Variants in ITGB5 observed in about 807,000 individuals in gnomAD.
ITGB5 encodes integrin beta-5.
A neutral mutation model predicts 84.8 loss-of-function variants in ITGB5; 38 were observed. That is an observed-to-expected ratio of 0.45 (90% CI 0.35 to 0.59). ITGB5 has a LOEUF of 0.59. Ranked by LOEUF, ITGB5 falls within the 20% of genes least tolerant of loss-of-function variation. The probability of loss-of-function intolerance (pLI) is 0.01; values close to 1 mark genes in which losing one functional copy is unlikely to be tolerated. For synonymous variants in ITGB5, 393 were observed against 414.4 expected (o/e 0.95, Z 0.63); for missense variants, 905 against 1,034.5 (o/e 0.87, Z 1.72).
intron 2 of ITGB5, among the ~76,000 whole-genome samples, chr3:124,859,827 A>T (rs2065272120): frequency 6.6e-6 from 1 of 152,218 alleles, no homozygotes; most frequent in East Asian, 1.9e-4. Context: ...TCATGCCTGT[A>T]ATCCCAGCTA....
chr3:124,855,375 AG>A (rs1468365686), intron 3 of ITGB5, among the ~76,000 whole-genome samples: 3 of 152,134 alleles, frequency 2.0e-5, no homozygotes, highest in Non-Finnish European at 4.4e-5. Flanking sequence ...CCCTAGAGTC[AG>A]GGGGGAGATA....
chr3:124,887,625 C>A, upstream of ITGB5: 1 of 430,334 alleles, frequency 2.3e-6, no homozygotes, highest in Non-Finnish European at 4.8e-6. Context: ...CTCGAAACCA[C>A]TGAGTAGAGC....
rs575874799 is a variant in ITGB5, at chr3:124,865,802, G to A, written c.157-6356C>T. ...CATGCCTGGCCTTTTGCTGCTTTTA[G>A]TTACTAAGTGGTAATAATATAAAAG... On this transcript the variant is annotated intron_variant, in intron 2 of 14. Coordinates refer to ENST00000296181, the MANE Select transcript of ITGB5 (RefSeq NM_002213.5). Among the ~76,000 whole-genome samples, 4 of 151,464 alleles carry A rather than the reference G, an allele frequency of 2.6e-5. No individual in the cohort carries two copies. The East Asian group carries it at 5.9e-4, about 22-fold the overall frequency.
In ITGB5 at chr3:124,836,424, C is replaced by T. The variant is rs145298628; in HGVS notation, c.780+4959G>A. On this transcript the variant is annotated intron_variant, in intron 5 of 14. Coordinates refer to ENST00000296181, the MANE Select transcript of ITGB5 (RefSeq NM_002213.5). The stretch of plus-strand genomic sequence containing the variant: ...TAACACCACAGCACTCCAGCCTGGG[C>T]GATAGAATGAGATCTCCTTTCAAAA... 5.4e-5 allele frequency among the ~76,000 whole-genome samples: 8 copies of T among 149,354 alleles called. No homozygotes were observed. In the East Asian group the frequency reaches 9.8e-4, roughly 18 times the overall value.
intron 8 of ITGB5, among the ~76,000 whole-genome samples, chr3:124,814,873 A>G (rs1216056263): frequency 6.6e-6 from 1 of 152,176 alleles, no homozygotes; most frequent in East Asian, 1.9e-4. Context: ...CTAGGTTCCC[A>G]CAGTTCCTCT....
chr3:124,849,484 T>G (rs1291348419), intron 3 of ITGB5, among the ~76,000 whole-genome samples: 5 of 152,182 alleles, frequency 3.3e-5, no homozygotes, highest in African/African-American at 4.8e-5. Flanking sequence ...AGACTAGTAT[T>G]TATTTGGGGG....
chr3:124,880,783 G>A (rs577554256), intron 1 of ITGB5, among the ~76,000 whole-genome samples: 1 of 151,710 alleles, frequency 6.6e-6, no homozygotes, highest in East Asian at 2.0e-4. Flanking sequence ...CAAAAAATTA[G>A]CCAGGCATGG....
chr3:124,877,217 G>A (rs561366244), intron 1 of ITGB5, among the ~76,000 whole-genome samples: 1 of 149,962 alleles, frequency 6.7e-6, no homozygotes, highest in South Asian at 2.1e-4. Flanking sequence ...GGGCTCAAGT[G>A]ATCCTCCTGC....
At chr3:124,819,883 A>C in intron 6 of ITGB5, 49 bp from the exon 7 acceptor site, 2 of 1,331,930 alleles carry the variant, frequency 1.5e-6, no homozygotes, top group Non-Finnish European at 2.2e-6. Flanking sequence ...ACAGGTGTAG[A>C]TACCAGCACC....
At chr3:124,823,785 A>T (rs1285899605) in intron 5 of ITGB5, among the ~76,000 whole-genome samples, 1 of 152,106 alleles carries the variant, frequency 6.6e-6, no homozygotes, top group Non-Finnish European at 1.5e-5. Context: ...AATAAAATAC[A>T]ATAGAGAGAA....
At chr3:124,836,402 C>T (rs1383024704) in intron 5 of ITGB5, among the ~76,000 whole-genome samples, 3 of 151,222 alleles carry the variant, frequency 2.0e-5, no homozygotes, top group Non-Finnish European at 4.4e-5. Context: ...GCCATGATAA[C>T]ACCACAGCAC....
chr3:124,778,011 C>T (rs1317623203), intron 10 of ITGB5, among the ~76,000 whole-genome samples: 1 of 152,216 alleles, frequency 6.6e-6, no homozygotes, highest in Non-Finnish European at 1.5e-5. Context: ...TATCAATCAC[C>T]ATCATGGGGA....
At chr3:124,790,665 C>G (rs2064137305) in intron 10 of ITGB5, among the ~76,000 whole-genome samples, 1 of 152,124 alleles carries the variant, frequency 6.6e-6, no homozygotes, top group South Asian at 2.1e-4. Flanking sequence ...GGATGCTGGC[C>G]CTGGCCTGCT....
At chr3:124,839,827 G>A (rs2064987940) in intron 5 of ITGB5, among the ~76,000 whole-genome samples, 1 of 152,188 alleles carries the variant, frequency 6.6e-6, no homozygotes, top group African/African-American at 2.4e-5. Context: ...AGAGACACCA[G>A]GGACTTCTGA....
rs376480401 is a variant in ITGB5, at chr3:124,859,470, G to C, written c.157-24C>G. ...TCCTAGGCAGGGAAAAAGAGGAAGA[G>C]AGCAGGAGGTGGTCAGGGTGTCTCC... On this transcript the variant is annotated intron_variant, in intron 2 of 14. Transcript: ENST00000296181. The C allele has an allele frequency of 5.5e-5, 88 of 1,600,634 alleles. No homozygotes were observed. In the Middle Eastern group the frequency reaches 8.3e-4, roughly 15 times the overall value.
intron 8 of ITGB5, among the ~76,000 whole-genome samples, chr3:124,809,850 A>G (rs891076751): frequency 1.3e-5 from 2 of 152,206 alleles, no homozygotes; most frequent in Non-Finnish European, 2.9e-5. Flanking sequence ...TCCCAACACT[A>G]AGAACATCAA....
intron 8 of ITGB5, among the ~76,000 whole-genome samples, chr3:124,810,129 T>C (rs1427866503): frequency 6.6e-6 from 1 of 152,196 alleles, no homozygotes; most frequent in Non-Finnish European, 1.5e-5. Context: ...TTTTTTAAAA[T>C]TGTAGTATGT....
intron 3 of ITGB5, among the ~76,000 whole-genome samples, chr3:124,852,684 A>G (rs759483484): frequency 6.6e-6 from 1 of 152,120 alleles, no homozygotes; most frequent in Non-Finnish European, 1.5e-5. Context: ...TGAGAATTCC[A>G]GCAAAAACTT....
intron 10 of ITGB5, among the ~76,000 whole-genome samples, chr3:124,784,754 T>C (rs551979558): frequency 1.3e-5 from 2 of 152,336 alleles, no homozygotes; most frequent in East Asian, 3.9e-4. Flanking sequence ...CACCTTAGGT[T>C]TGGCTTAACC....
Sources: gnomAD v4.1 joint callset for allele counts (sites outside exome capture counted in the v4.1 genomes callset) on GRCh38, gnomAD v4.1.1 for gene constraint, MANE v1.5 for transcripts, NCBI Gene and HGNC (gene_info 2026-07-23, HGNC 2026-07-21) for gene names.